The following FHIT variants were observed in gnomAD, a reference collection of about 807,000 sequenced individuals.
The protein encoded by FHIT is bis(5'-adenosyl)-triphosphatase.
In FHIT, 19 loss-of-function variants were observed where a neutral mutation model predicts 17.9. The ratio of observed to expected loss-of-function variants is 1.06; its 90% CI spans 0.74 to 1.56. The LOEUF (loss-of-function observed/expected upper bound fraction) is 1.56, where lower values mean the gene tolerates loss of function less well. FHIT is among the 40% of genes most tolerant of loss of function. The pLI, the probability that FHIT is intolerant of heterozygous loss-of-function variation, is 0.00. For missense variants in FHIT, 248 were observed against 189.2 expected (o/e 1.31, Z -1.82); for synonymous variants, 81 against 69.7 (o/e 1.16, Z -0.81).
intron 4 of FHIT, among the ~76,000 whole-genome samples, chr3:60,809,564 C>T (rs1446245198): frequency 1.3e-5 from 2 of 152,192 alleles, no homozygotes; most frequent in African/African-American, 4.8e-5. Context: ...CTGAACCCCA[C>T]TTATAAATAT....
intron 5 of FHIT, among the ~76,000 whole-genome samples, chr3:60,456,421 C>T (rs753982045): frequency 5.9e-5 from 9 of 152,178 alleles, no homozygotes; most frequent in South Asian, 2.1e-4. Flanking sequence ...ACATAATTGT[C>T]ACTTCTGCAA....
intron 7 of FHIT, among the ~76,000 whole-genome samples, chr3:59,972,750 G>T (rs947181438): frequency 1.3e-5 from 2 of 152,078 alleles, no homozygotes; most frequent in African/African-American, 4.8e-5. Flanking sequence ...AGTTTCTCTT[G>T]TCTTATTCAG....
intron 3 of FHIT, among the ~76,000 whole-genome samples, chr3:60,878,932 T>G (rs1420723739): frequency 6.6e-6 from 1 of 152,206 alleles, no homozygotes; most frequent in Admixed American, 6.5e-5. Flanking sequence ...ATATTGTGAA[T>G]AGTGCCGCAA....
chr3:60,406,729 C>T (rs1006286875), intron 5 of FHIT, among the ~76,000 whole-genome samples: 1 of 152,062 alleles, frequency 6.6e-6, no homozygotes, highest in African/African-American at 2.4e-5. Context: ...TTGTTTCCAG[C>T]AGCCCAACCA....
intron 3 of FHIT, among the ~76,000 whole-genome samples, chr3:60,842,368 G>T (rs1702750515): frequency 6.6e-6 from 1 of 151,610 alleles, no homozygotes; most frequent in African/African-American, 2.4e-5. Context: ...AACTCAGAGT[G>T]TGACTTCTTT....
chr3:59,968,823 CTAGAGT>C (rs1349633097), intron 7 of FHIT, among the ~76,000 whole-genome samples: 1 of 152,128 alleles, frequency 6.6e-6, no homozygotes, highest in Non-Finnish European at 1.5e-5. Flanking sequence ...TTGAGAGATG[CTAGAGT>C]TAAACAAAGC....
intron 8 of FHIT, among the ~76,000 whole-genome samples, chr3:59,830,978 G>C (rs1217970327): frequency 6.6e-6 from 1 of 152,156 alleles, no homozygotes; most frequent in Non-Finnish European, 1.5e-5. Context: ...CAGGCATTCT[G>C]GTCCCAAAGA....
At chr3:60,497,271 A>T (rs553212087) in intron 5 of FHIT, among the ~76,000 whole-genome samples, 1 of 152,136 alleles carries the variant, frequency 6.6e-6, no homozygotes, top group South Asian at 2.1e-4. Flanking sequence ...AGGAAGGAGA[A>T]TAAGATGACA....
intron 3 of FHIT, among the ~76,000 whole-genome samples, chr3:60,971,312 A>T (rs1184578633): frequency 6.6e-6 from 1 of 152,172 alleles, no homozygotes; most frequent in Non-Finnish European, 1.5e-5. Context: ...TTCAGTGAGC[A>T]GCCTGGGTGA....
At chr3:61,034,979 T>TAAA (rs1559927301) in intron 3 of FHIT, among the ~76,000 whole-genome samples, 5 of 152,310 alleles carry the variant, frequency 3.3e-5, no homozygotes, top group African/African-American at 1.2e-4. Context: ...GGAATAAACT[T>TAAA]CTGATACATC....
chr3:60,018,286 A>G (rs1700422049), intron 5 of FHIT, among the ~76,000 whole-genome samples: 2 of 152,184 alleles, frequency 1.3e-5, no homozygotes, highest in African/African-American at 2.4e-5. Flanking sequence ...TACCACAAAG[A>G]TGACATCAAG....
intron 5 of FHIT, among the ~76,000 whole-genome samples, chr3:60,371,809 G>C (rs1355130411): frequency 6.7e-6 from 1 of 149,970 alleles, no homozygotes; most frequent in Non-Finnish European, 1.5e-5. Flanking sequence ...GATTATTTGA[G>C]AAGTTAACCT....
intron 5 of FHIT, among the ~76,000 whole-genome samples, chr3:60,392,702 T>G (rs1487906288): frequency 6.6e-6 from 1 of 152,162 alleles, no homozygotes; most frequent in African/African-American, 2.4e-5. Context: ...AGAAGAATTA[T>G]AACAGGAGAT....
chr3:60,697,650 C>G (rs2041145020), intron 4 of FHIT, among the ~76,000 whole-genome samples: 1 of 151,832 alleles, frequency 6.6e-6, no homozygotes, highest in South Asian at 2.1e-4. Context: ...GAAAATAAAC[C>G]ACAGATAAAA....
chr3:60,419,110 T>G (rs1702377922), intron 5 of FHIT, among the ~76,000 whole-genome samples: 1 of 152,188 alleles, frequency 6.6e-6, no homozygotes, highest in Non-Finnish European at 1.5e-5. Context: ...TGCCGTGCAG[T>G]CAGGCAAGTG....
chr3:61,188,437 G>C (rs909935995), intron 2 of FHIT, among the ~76,000 whole-genome samples: 2 of 152,054 alleles, frequency 1.3e-5, no homozygotes, highest in African/African-American at 4.8e-5. Context: ...GAGGCAATAA[G>C]TAATAGCTTA....
intron 3 of FHIT, among the ~76,000 whole-genome samples, chr3:60,958,761 A>T (rs564012597): frequency 6.6e-6 from 1 of 152,350 alleles, no homozygotes; most frequent in South Asian, 2.1e-4. Flanking sequence ...GTTATGACAG[A>T]TTAACTTTAA....
chr3:61,080,710 G>T (rs538404448), intron 2 of FHIT, among the ~76,000 whole-genome samples: 12 of 152,074 alleles, frequency 7.9e-5, no homozygotes, highest in Non-Finnish European at 1.8e-4. Context: ...AATATTTAAG[G>T]TGCTTGATTA....
At chr3:60,416,605 T>C (rs1702256118) in intron 5 of FHIT, among the ~76,000 whole-genome samples, 4 of 152,228 alleles carry the variant, frequency 2.6e-5, no homozygotes. Context: ...GTGTCAAATA[T>C]TCATATCGTG....
Sources: allele counts gnomAD v4.1 joint callset (sites outside exome capture counted in the v4.1 genomes callset), GRCh38; gene constraint gnomAD v4.1.1; transcripts MANE v1.5; gene names NCBI Gene and HGNC (gene_info 2026-07-23, HGNC 2026-07-21).